DEPDC5: variants seen among roughly 807,000 people sequenced by gnomAD.
The protein encoded by DEPDC5 is DEP domain containing 5, GATOR1 subcomplex subunit, also known as GATOR1 complex protein DEPDC5.
A neutral mutation model predicts 217.3 loss-of-function variants in DEPDC5; 73 were observed. The ratio of observed to expected loss-of-function variants is 0.34; its 90% CI spans 0.28 to 0.41. DEPDC5 has a LOEUF of 0.41. Ranked by LOEUF, DEPDC5 falls within the 10% of genes least tolerant of loss-of-function variation. The pLI, the probability that DEPDC5 is intolerant of heterozygous loss-of-function variation, is 1.00. For missense variants in DEPDC5, 1,675 were observed against 2,070.1 expected, an observed-to-expected ratio of 0.81 and a Z score of 3.70; for synonymous variants, 733 against 756.7, an observed-to-expected ratio of 0.97 and a Z score of 0.51.
At chr22:31,861,219 C>G in intron 32 of DEPDC5, 149 bp from the exon 33 acceptor site, 1 of 493,040 alleles carries the variant, frequency 2.0e-6, no homozygotes. Context: ...CTTCATATGT[C>G]CTTGTTTCTC....
At chr22:31,822,850 G>T in intron 24 of DEPDC5, 60 bp downstream of exon 24, 2 of 1,534,722 alleles carry the variant, frequency 1.3e-6, no homozygotes, top group South Asian at 2.3e-5. Context: ...ATCTGGAAAT[G>T]ACACAAGGGC....
intron 31 of DEPDC5, among the ~76,000 whole-genome samples, chr22:31,849,357 C>T (rs1420663600): frequency 1.3e-5 from 2 of 152,174 alleles, no homozygotes; most frequent in Admixed American, 6.5e-5. Flanking sequence ...AATTGACTCA[C>T]AGTTCAGCAT....
At position 31,819,228 on chromosome 22, in the gene DEPDC5, A is replaced by G; in HGVS notation, c.1870+3A>G. 1.2e-6 allele frequency: 2 copies of G among 1,613,980 alleles called. No individual in the cohort carries two copies. The highest frequency in any genetic ancestry group is 1.7e-6 in the Non-Finnish European group (2 of 1,179,978). On this transcript the variant is annotated splice_donor_region_variant and intron_variant, in intron 22 of 42. Transcript: ENST00000651528. ...CTGGATGCACACTTTTCCTGTGGGTAAGTTGGTTGCTTAAGAGAGAGCCTT... is the reference window on the plus strand; with the variant it reads ...CTGGATGCACACTTTTCCTGTGGGTGAGTTGGTTGCTTAAGAGAGAGCCTT...
At chr22:31,802,054 A>G (rs2086917711) in intron 14 of DEPDC5, among the ~76,000 whole-genome samples, 1 of 148,072 alleles carries the variant, frequency 6.8e-6, no homozygotes, top group Non-Finnish European at 1.5e-5. Flanking sequence ...AATAATATAT[A>G]ATATATAAAA....
intron 31 of DEPDC5, 24 bp from the exon 32 acceptor site, chr22:31,857,421 G>T: frequency 6.4e-7 from 1 of 1,573,016 alleles, no homozygotes; most frequent in East Asian, 2.3e-5. Context: ...GCAAGCTGCT[G>T]TCATGTGCTT....
In DEPDC5 at chr22:31,896,471, A is replaced by G. The variant is rs546246742; in HGVS notation, c.4204-1011A>G. ...CTGTGTCCCAACTCTATTTTTTTGG[A>G]AATAATACTTGACACAAAAATCATC... On this transcript the variant is annotated intron_variant, in intron 39 of 42. Coordinates refer to ENST00000651528, the MANE Select transcript of DEPDC5 (RefSeq NM_001242896.3). 1.3e-5 allele frequency among the ~76,000 whole-genome samples: 2 copies of G among 152,200 alleles called. 1 individual carries two copies. Among genetic ancestry groups the G allele is most frequent in the South Asian group, 4.1e-4 (2 of 4,820 alleles).
chr22:31,815,023 A>C lies in DEPDC5; in HGVS notation c.1477A>C (p.Lys493Gln). The change falls in exon 21 of 43, where the codon AAG (lysine) becomes CAG (glutamine). Residue 493 changes from lysine to glutamine, a missense_variant. Around this residue, in one of 11 missense-constraint regions of DEPDC5, gnomAD observed 628 missense variants for 762.1 expected, o/e 0.82. Coordinates refer to ENST00000651528, the MANE Select transcript of DEPDC5 (RefSeq NM_001242896.3). ...SVRERESHSR[K>Q]SASSCDVSSS... ...GCGAGAGCGAGAGAGTCACAGTCGA[A>C]AGAGTGCCAGCTCCTGTGATGTTTC... 1.2e-6 allele frequency: 2 copies of C among 1,614,132 alleles called. No homozygotes were observed. The highest frequency in any genetic ancestry group is 1.7e-6 in the Non-Finnish European group (2 of 1,180,004).
At chr22:31,839,330 A>G (rs1050150453) in intron 27 of DEPDC5, among the ~76,000 whole-genome samples, 3 of 152,204 alleles carry the variant, frequency 2.0e-5, no homozygotes, top group Non-Finnish European at 4.4e-5. Context: ...TGAGTGGCAG[A>G]TTAGGCTAGT....
In DEPDC5 at chr22:31,906,554, G is replaced by A; in HGVS notation, c.*57G>A. 2.5e-6 allele frequency: 4 copies of A among 1,589,258 alleles called. No individual in the cohort carries two copies. Among genetic ancestry groups the A allele is most frequent in the Non-Finnish European group, 2.6e-6 (3 of 1,166,842 alleles). ...GGTGAGCCACTGCCCTCAAACCCGG[G>A]GCGGAGGATTCCAGGCAGGCTCTAG... On this transcript the variant is annotated 3_prime_UTR_variant, in exon 43 of 43. Transcript: ENST00000651528. This position sits in a 1 kb window ranked among gnomAD's most constrained non-coding sequence, Gnocchi z 5.1.
chr22:31,872,833 C>G (rs902879105), intron 34 of DEPDC5, among the ~76,000 whole-genome samples: 2 of 152,134 alleles, frequency 1.3e-5, no homozygotes, highest in Non-Finnish European at 2.9e-5. Context: ...CAGCTCACTG[C>G]ACCCTCCACC....
chr22:31,887,381 T>C (rs1371427911), intron 38 of DEPDC5, among the ~76,000 whole-genome samples: 1 of 133,250 alleles, frequency 7.5e-6, no homozygotes, highest in African/African-American at 3.0e-5. Context: ...ATTGCGCCAT[T>C]GCACTCCAGT....
intron 26 of DEPDC5, among the ~76,000 whole-genome samples, chr22:31,838,068 C>G (rs938795803): frequency 6.6e-6 from 1 of 152,092 alleles, no homozygotes; most frequent in Non-Finnish European, 1.5e-5. Context: ...ACTATTTCTC[C>G]TCGTTGATTG....
chr22:31,756,038 ATT>A (rs35222514), intron 2 of DEPDC5, among the ~76,000 whole-genome samples: 9 of 116,816 alleles, frequency 7.7e-5, no homozygotes, highest in Non-Finnish European at 7.2e-5. Flanking sequence ...ACACCTGGCT[ATT>A]TTTTTTTTTT....
chr22:31,792,484 T>C (rs987532298), intron 11 of DEPDC5, among the ~76,000 whole-genome samples: 16 of 151,746 alleles, frequency 1.1e-4, no homozygotes, highest in Non-Finnish European at 1.8e-4. Context: ...CATGCACCTG[T>C]AGTCCCAGCT....
At chr22:31,876,301 C>A in intron 37 of DEPDC5, 36 bp downstream of exon 37, 1 of 1,558,852 alleles carries the variant, frequency 6.4e-7, no homozygotes, top group Non-Finnish European at 8.8e-7. Context: ...CCCACAGGGG[C>A]AAGTGTTTTT....
At chr22:31,901,325 C>G (rs1227044113) in intron 40 of DEPDC5, among the ~76,000 whole-genome samples, 3 of 152,024 alleles carry the variant, frequency 2.0e-5, no homozygotes, top group Non-Finnish European at 1.5e-5. Flanking sequence ...GTAGGAGGAT[C>G]ACTTGAGCTC....
intron 14 of DEPDC5, among the ~76,000 whole-genome samples, chr22:31,802,041 TAAA>T (rs1013942093): frequency 2.8e-4 from 42 of 147,902 alleles, no homozygotes; most frequent in African/African-American, 9.8e-4. Flanking sequence ...TATATAATAT[TAAA>T]ATAATATATA....
chr22:31,802,551 G>GA (rs2086989633), intron 14 of DEPDC5, among the ~76,000 whole-genome samples, 153 bp from the exon 15 acceptor site: 1 of 152,102 alleles, frequency 6.6e-6, no homozygotes, highest in Non-Finnish European at 1.5e-5. Context: ...ATATGGAAGA[G>GA]AAAAGACAGA....
chr22:31,792,129 TA>T (rs1466652309), intron 11 of DEPDC5, 27 bp downstream of exon 11: 3 of 1,559,264 alleles, frequency 1.9e-6, no homozygotes, highest in Non-Finnish European at 2.6e-6. Flanking sequence ...CTCCTACAGT[TA>T]TGTTTTTGTT....
Sources: gnomAD v4.1 joint callset for allele counts (sites outside exome capture counted in the v4.1 genomes callset) on GRCh38, gnomAD v4.1.1 for gene constraint, gnomAD v4.1.1 regional missense constraint, Gnocchi (gnomAD v3.1) non-coding constraint, MANE v1.5 for transcripts, NCBI Gene and HGNC (gene_info 2026-07-23, HGNC 2026-07-21) for gene names.